The following TBC1D22A variants were observed in gnomAD, a reference collection of about 807,000 sequenced individuals.
The protein encoded by TBC1D22A is TBC1 domain family member 22A.
In TBC1D22A, 38 loss-of-function variants were observed where a neutral mutation model predicts 60.2. The ratio of observed to expected loss-of-function variants is 0.63; its 90% CI spans 0.49 to 0.83. The LOEUF (loss-of-function observed/expected upper bound fraction) is 0.83, where lower values mean the gene tolerates loss of function less well. TBC1D22A is among the 40% of genes least tolerant of loss of function. TBC1D22A has a pLI of 0.00. For synonymous variants in TBC1D22A, 302 were observed against 281.7 expected, an observed-to-expected ratio of 1.07 and a Z score of -0.72; for missense variants, 628 against 701.0, an observed-to-expected ratio of 0.90 and a Z score of 1.18.
rs749463794 is a variant in TBC1D22A at position 46,932,089 on chromosome 22, T to G, written c.1015+19901T>G. On this transcript the variant is annotated intron_variant, in intron 8 of 12. Transcript: ENST00000337137. ...TCATGCATGCCCCCATTTGTGCGTTTATAGAAAGTGTAAGTCCTGTGCTAG... is the reference window on the plus strand; with the variant it reads ...TCATGCATGCCCCCATTTGTGCGTTGATAGAAAGTGTAAGTCCTGTGCTAG... Among the ~76,000 whole-genome samples the G allele has an allele frequency of 5.3e-5, 8 of 152,354 alleles. No individual in the cohort carries two copies. In the Middle Eastern group the frequency reaches 0.014, roughly 259 times the overall value.
chr22:47,173,643 A>G lies in TBC1D22A; in HGVS notation c.*17A>G, dbSNP rs769328046. The G allele has an allele frequency of 6.2e-7, 1 of 1,612,864 alleles. No individual in the cohort carries two copies. Among genetic ancestry groups the G allele is most frequent in the Non-Finnish European group, 8.5e-7 (1 of 1,179,364 alleles). ...AAGAAATGAGCCCAGGCCCACCCGC[A>G]GCTGGCCTCACTGTCCCGGGTGGCG... On this transcript the variant is annotated 3_prime_UTR_variant, in exon 13 of 13. Coordinates refer to ENST00000337137, the MANE Select transcript of TBC1D22A (RefSeq NM_014346.5).
chr22:46,929,219 A>G (rs1374947758), intron 8 of TBC1D22A, among the ~76,000 whole-genome samples: 3 of 152,210 alleles, frequency 2.0e-5, no homozygotes, highest in East Asian at 3.8e-4. Flanking sequence ...TTCACTGTTG[A>G]TAATGCATGT....
rs368169644 is a variant in TBC1D22A at position 46,871,471 on chromosome 22, T to C, written c.638-7182T>C. Among the ~76,000 whole-genome samples, 8 of 152,300 alleles carry C rather than the reference T, an allele frequency of 5.3e-5. No homozygotes were observed. In the East Asian group the frequency reaches 1.5e-3, roughly 29 times the overall value. On this transcript the variant is annotated intron_variant, in intron 4 of 12. Coordinates refer to ENST00000337137, the MANE Select transcript of TBC1D22A (RefSeq NM_014346.5). ...AGACTGTATGTTGGCCCCAAAAAGTTATAGTAAATATCAGAGGGTTGAAAT... is the reference window on the plus strand; with the variant it reads ...AGACTGTATGTTGGCCCCAAAAAGTCATAGTAAATATCAGAGGGTTGAAAT...
At chr22:46,855,149 G>A (rs775315711) in intron 4 of TBC1D22A, among the ~76,000 whole-genome samples, 10 of 152,184 alleles carry the variant, frequency 6.6e-5, no homozygotes, top group Non-Finnish European at 1.2e-4. Flanking sequence ...TTGATCAGAG[G>A]CTGAGGTTGC....
intron 8 of TBC1D22A, among the ~76,000 whole-genome samples, chr22:46,920,237 G>A (rs1438011877): frequency 2.0e-5 from 3 of 151,962 alleles, no homozygotes; most frequent in Admixed American, 6.6e-5. Flanking sequence ...GCACCACCAC[G>A]CCTGACTAAT....
chr22:46,868,083 G>T (rs1186381745), intron 4 of TBC1D22A, among the ~76,000 whole-genome samples: 1 of 152,240 alleles, frequency 6.6e-6, no homozygotes, highest in Non-Finnish European at 1.5e-5. Context: ...GTGTTCTGGG[G>T]AGGCTGCGGT....
rs141580250 is a variant in TBC1D22A at position 46,793,671 on chromosome 22, C to T, written c.290C>T (p.Thr97Met). ...ESLNSEVVME[T>M]ANRVLRNHSQ... ...CTGAACTCCGAGGTGGTCATGGAGACGGCCAACCGTGTGCTGCGTAACCAC... is the reference window on the plus strand; with the variant it reads ...CTGAACTCCGAGGTGGTCATGGAGATGGCCAACCGTGTGCTGCGTAACCAC... Residue 97 changes from threonine to methionine, a missense_variant, in exon 3 of 13, where the codon ACG becomes ATG. Thr to Met is a moderately conservative substitution (Grantham distance 81). Coordinates refer to ENST00000337137, the MANE Select transcript of TBC1D22A (RefSeq NM_014346.5). 1.5e-4 allele frequency: 241 copies of T among 1,613,310 alleles called. 1 individual carries two copies. Among genetic ancestry groups the T allele is most frequent in the Middle Eastern group, 5.1e-4 (3 of 5,904 alleles).
chr22:46,773,858 A>G (rs1348472399), intron 1 of TBC1D22A: 20 of 874,892 alleles, frequency 2.3e-5, no homozygotes, highest in Non-Finnish European at 2.7e-5. Context: ...CAAATGAGGA[A>G]ACTCAGAAGC....
intron 1 of TBC1D22A, among the ~76,000 whole-genome samples, chr22:46,767,820 C>T (rs928295833): frequency 4.6e-5 from 7 of 151,926 alleles, no homozygotes; most frequent in African/African-American, 9.7e-5. Flanking sequence ...GCGATGCTGG[C>T]GTGCTTGAGG....
At position 47,173,752 on chromosome 22, in the gene TBC1D22A, A is replaced by G. The variant is rs2068581967; in HGVS notation, c.*126A>G. 2 of 1,442,424 alleles carry G rather than the reference A, an allele frequency of 1.4e-6. No homozygotes were observed. Among genetic ancestry groups the G allele is most frequent in the South Asian group, 1.3e-5 (1 of 78,862 alleles). 89.4% of individuals were successfully genotyped at this position (1,442,424 alleles called of 1,614,324 possible). ...GCCTTGTGAGGTGGCCCCACCCTCC[A>G]GGGGAGCTGGTGAAGATGGGCCACA... On this transcript the variant is annotated 3_prime_UTR_variant, in exon 13 of 13. Transcript: ENST00000337137.
intron 8 of TBC1D22A, among the ~76,000 whole-genome samples, chr22:46,948,368 G>C (rs1434241989): frequency 6.6e-6 from 1 of 152,220 alleles, no homozygotes; most frequent in African/African-American, 2.4e-5. Flanking sequence ...CACCATTTAA[G>C]AGTCATTTTT....
chr22:46,876,405 A>C (rs1483389128), intron 4 of TBC1D22A, among the ~76,000 whole-genome samples: 1 of 152,264 alleles, frequency 6.6e-6, no homozygotes, highest in Non-Finnish European at 1.5e-5. Context: ...GTATATACCC[A>C]AAATAATATA....
chr22:47,072,245 C>T (rs1603234517), intron 11 of TBC1D22A, among the ~76,000 whole-genome samples: 1 of 152,190 alleles, frequency 6.6e-6, no homozygotes, highest in East Asian at 1.9e-4. Flanking sequence ...TGTGGAGCTG[C>T]CCAGCTGGCA....
At chr22:46,835,435 G>A (rs1190238080) in intron 4 of TBC1D22A, among the ~76,000 whole-genome samples, 1 of 152,140 alleles carries the variant, frequency 6.6e-6, no homozygotes, top group Non-Finnish European at 1.5e-5. Flanking sequence ...TGGAGCTGAA[G>A]AATACAAAGA....
At chr22:46,865,426 C>T (rs1315658948) in intron 4 of TBC1D22A, among the ~76,000 whole-genome samples, 1 of 152,154 alleles carries the variant, frequency 6.6e-6, no homozygotes, top group African/African-American at 2.4e-5. Context: ...AATGGAGTAG[C>T]GTAGGTTGAG....
At chr22:47,124,625 G>A (rs746254078) in intron 12 of TBC1D22A, among the ~76,000 whole-genome samples, 8 of 152,242 alleles carry the variant, frequency 5.3e-5, no homozygotes, top group Admixed American at 1.3e-4. Flanking sequence ...TGCCCTCTCA[G>A]CCACAGGTGG....
chr22:47,072,128 G>A (rs1366951544), intron 11 of TBC1D22A, among the ~76,000 whole-genome samples: 1 of 152,246 alleles, frequency 6.6e-6, no homozygotes, highest in Non-Finnish European at 1.5e-5. Flanking sequence ...CCCCGAGGCA[G>A]AGGCATGGCC....
chr22:47,013,852 T>A (rs1368213525), intron 10 of TBC1D22A, among the ~76,000 whole-genome samples: 1 of 152,188 alleles, frequency 6.6e-6, no homozygotes, highest in African/African-American at 2.4e-5. Flanking sequence ...ACATTCCCAC[T>A]CTTCTCAGAC....
intron 4 of TBC1D22A, among the ~76,000 whole-genome samples, chr22:46,817,476 A>G (rs994690835): frequency 3.3e-5 from 5 of 151,410 alleles, no homozygotes; most frequent in East Asian, 1.9e-4. Context: ...TCATTGTTCA[A>G]CTCCCAGCTA....
Sources: allele counts gnomAD v4.1 joint callset (sites outside exome capture counted in the v4.1 genomes callset), GRCh38; gene constraint gnomAD v4.1.1; transcripts MANE v1.5; gene names NCBI Gene and HGNC (gene_info 2026-07-23, HGNC 2026-07-21).